Variants in KYNU observed in about 807,000 individuals in gnomAD.
The protein encoded by KYNU is kynureninase, also known as L-kynurenine hydrolase.
In KYNU, 54 loss-of-function variants were observed where a neutral mutation model predicts 59.2. The ratio of observed to expected loss-of-function variants is 0.91; its 90% CI spans 0.73 to 1.14. The LOEUF (loss-of-function observed/expected upper bound fraction) is 1.14, where lower values mean the gene tolerates loss of function less well. KYNU is among the 50% of genes most tolerant of loss of function. The pLI, the probability that KYNU is intolerant of heterozygous loss-of-function variation, is 0.00. For synonymous variants in KYNU, 177 were observed against 192.0 expected (o/e 0.92, Z 0.65); for missense variants, 567 against 554.4 (o/e 1.02, Z -0.23).
chr2:142,879,668 T>C (rs2105015397), intron 1 of KYNU: 1 of 152,330 alleles, frequency 6.6e-6, no homozygotes, highest in East Asian at 1.9e-4. Flanking sequence ...TCAGGCATGG[T>C]TAAGTACCCT....
chr2:142,984,484 A>C (rs929945336), intron 8 of KYNU, among the ~76,000 whole-genome samples: 1 of 152,032 alleles, frequency 6.6e-6, no homozygotes, highest in Non-Finnish European at 1.5e-5. Context: ...ATTGTTTGTC[A>C]GTTGCTCTTT....
chr2:143,014,694 C>T lies in KYNU; in HGVS notation c.903-14933C>T, dbSNP rs773657190. On this transcript the variant is annotated intron_variant, in intron 10 of 13. Coordinates refer to ENST00000264170, the MANE Select transcript of KYNU (RefSeq NM_003937.3). ...TTCACTGTGGAGAAGAAGAAAGTTA[C>T]GGGAGACCATTTATAAATGATGAGC... is the stretch of plus-strand genomic sequence containing the variant. Among the ~76,000 whole-genome samples the T allele has an allele frequency of 7.9e-5, 12 of 152,262 alleles. 1 individual carries two copies. The highest frequency in any genetic ancestry group is 1.9e-4 in the East Asian group (1 of 5,192).
At chr2:142,991,178 T>C (rs1444853685) in intron 10 of KYNU, among the ~76,000 whole-genome samples, 1 of 151,958 alleles carries the variant, frequency 6.6e-6, no homozygotes, top group Non-Finnish European at 1.5e-5. Context: ...CACTGACTTA[T>C]ATATTTCACT....
At chr2:143,017,077 G>A (rs993946259) in intron 10 of KYNU, among the ~76,000 whole-genome samples, 3 of 152,102 alleles carry the variant, frequency 2.0e-5, no homozygotes, top group Non-Finnish European at 4.4e-5. Context: ...AAAAGGACAC[G>A]CTTTCATTCC....
intron 4 of KYNU, among the ~76,000 whole-genome samples, chr2:142,953,087 C>T (rs1175850392): frequency 6.6e-6 from 1 of 152,120 alleles, no homozygotes; most frequent in Non-Finnish European, 1.5e-5. Flanking sequence ...ATCCCCCAAA[C>T]CGGAGGAAGC....
intron 8 of KYNU, 120 bp downstream of exon 8, chr2:142,960,890 T>TAAAA (rs5834931): frequency 0.32 from 295,862 of 913,884 alleles, 21,585 homozygotes; most frequent in Admixed American, 0.46. Flanking sequence ...TTTCAAAAGT[T>TAAAA]AAAAAAAAAA....
At chr2:143,033,346 C>A (rs750304034) in intron 12 of KYNU, 25 bp downstream of exon 12, 8 of 1,531,356 alleles carry the variant, frequency 5.2e-6, no homozygotes, top group Non-Finnish European at 7.2e-6. Context: ...TTTCAACCTT[C>A]CCACATCTTT....
chr2:143,036,637 A>C (rs1426291787), intron 12 of KYNU, among the ~76,000 whole-genome samples: 2 of 152,242 alleles, frequency 1.3e-5, no homozygotes, highest in Non-Finnish European at 2.9e-5. Flanking sequence ...GAATGTTAGC[A>C]CAGGTCTTTG....
At position 143,053,800 on chromosome 2, in the gene KYNU, G is replaced by A. The variant is rs1263188315; in HGVS notation, c.*11628G>A. 2.0e-5 allele frequency: 3 copies of A among 152,458 alleles called. No homozygotes were observed. Among genetic ancestry groups the A allele is most frequent in the East Asian group, 3.9e-4 (2 of 5,184 alleles). The allele number at this position is 152,458 out of a possible 1,614,324, so 9.4% of individuals were successfully genotyped here. A position where few individuals can be genotyped will look rare whatever the true frequency, so the allele number is the denominator to read the frequency against. ...TTGGGAATGTCTTTATCAGCAGTGG[G>A]AAAACGGATTAATATACTAATTTAT... On this transcript the variant is annotated 3_prime_UTR_variant, in exon 14 of 14. Coordinates refer to ENST00000264170, the MANE Select transcript of KYNU (RefSeq NM_003937.3).
rs10528472 is a variant in KYNU, at chr2:143,042,583, G to GATATATATATAT, written c.*448_*459dup. 1 of 136,402 alleles carries GATATATATATAT rather than the reference G, an allele frequency of 7.3e-6. No individual in the cohort carries two copies. 8.4% of individuals were successfully genotyped at this position (136,402 alleles called of 1,614,324 possible). A position where few individuals can be genotyped will look rare whatever the true frequency, so the allele number is the denominator to read the frequency against. On this transcript the variant is annotated 3_prime_UTR_variant, in exon 14 of 14. Coordinates refer to ENST00000264170, the MANE Select transcript of KYNU (RefSeq NM_003937.3). ...GAGTTTCTTTGAAGCATTGTAGTCT[G>GATATATATATAT]ATATATATATATATATATATATATA... is the stretch of plus-strand genomic sequence containing the variant.
chr2:142,883,779 C>G (rs1401976209), intron 1 of KYNU, among the ~76,000 whole-genome samples: 1 of 152,188 alleles, frequency 6.6e-6, no homozygotes, highest in African/African-American at 2.4e-5. Flanking sequence ...TTCCTCATAG[C>G]TCTTAAGTCT....
intron 4 of KYNU, among the ~76,000 whole-genome samples, chr2:142,940,258 T>G (rs1304973066): frequency 6.6e-6 from 1 of 152,144 alleles, no homozygotes; most frequent in Non-Finnish European, 1.5e-5. Context: ...TAGCTGTGAA[T>G]TTTTTTTCAC....
intron 7 of KYNU, among the ~76,000 whole-genome samples, chr2:142,958,982 A>G (rs1020245210): frequency 2.6e-5 from 4 of 152,140 alleles, no homozygotes; most frequent in African/African-American, 9.7e-5. Flanking sequence ...TTCTTTATAT[A>G]AAGTATACTT....
At chr2:142,917,051 T>A (rs1682687914) in intron 2 of KYNU, among the ~76,000 whole-genome samples, 1 of 152,196 alleles carries the variant, frequency 6.6e-6, no homozygotes, top group Non-Finnish European at 1.5e-5. Flanking sequence ...ATAAATGTTT[T>A]AGCATAGCAC....
chr2:142,953,168 A>T (rs988744367), intron 4 of KYNU, among the ~76,000 whole-genome samples: 2 of 152,234 alleles, frequency 1.3e-5, no homozygotes, highest in Non-Finnish European at 2.9e-5. Flanking sequence ...AGTGAGAAAC[A>T]GAAGTCATGA....
chr2:143,041,092 T>A (rs1313703753), intron 13 of KYNU, among the ~76,000 whole-genome samples: 1 of 152,038 alleles, frequency 6.6e-6, no homozygotes, highest in Non-Finnish European at 1.5e-5. Context: ...ATTTTCAACC[T>A]TGTCACTTCT....
intron 3 of KYNU, among the ~76,000 whole-genome samples, chr2:142,927,285 C>A (rs781424618): frequency 2.0e-5 from 3 of 152,002 alleles, no homozygotes; most frequent in Non-Finnish European, 2.9e-5. Context: ...TCTAGCCTTA[C>A]AAAATAGTAT....
chr2:142,954,032 C>G (rs902641210), intron 4 of KYNU: 6 of 151,970 alleles, frequency 3.9e-5, no homozygotes, highest in Non-Finnish European at 5.9e-5. Context: ...GTCTAATTGC[C>G]TTGAAGAAAC....
In KYNU at chr2:142,934,162, C is replaced by A. The variant is rs115312745; in HGVS notation, c.373+6421C>A. 4.6e-5 allele frequency among the ~76,000 whole-genome samples: 7 copies of A among 151,876 alleles called. No homozygotes were observed. In the South Asian group the frequency reaches 6.3e-4, roughly 14 times the overall value. On this transcript the variant is annotated intron_variant, in intron 4 of 13. Coordinates refer to ENST00000264170, the MANE Select transcript of KYNU (RefSeq NM_003937.3). ...GTGGAGTAGGCGACTGGTGAGGAGG[C>A]GAAAATGATAGGCTTTAGGCCTATG...
Sources: gnomAD v4.1 joint callset for allele counts (sites outside exome capture counted in the v4.1 genomes callset) on GRCh38, gnomAD v4.1.1 for gene constraint, MANE v1.5 for transcripts, NCBI Gene and HGNC (gene_info 2026-07-23, HGNC 2026-07-21) for gene names.